The following UBA6 variants were observed in gnomAD, a reference collection of about 807,000 sequenced individuals.
The protein encoded by UBA6 is ubiquitin like modifier activating enzyme 6.
In UBA6, 87 loss-of-function variants were observed where a neutral mutation model predicts 148.3. The observed-to-expected ratio is 0.59, with a 90% confidence interval of 0.49 to 0.70. The LOEUF is 0.70. Ranked by LOEUF, UBA6 falls within the 30% of genes least tolerant of loss-of-function variation. The probability of loss-of-function intolerance (pLI) is 0.00; values close to 1 mark genes in which losing one functional copy is unlikely to be tolerated. For missense variants in UBA6, 1,186 were observed against 1,241.2 expected (o/e 0.96, Z 0.67); for synonymous variants, 376 against 401.0 (o/e 0.94, Z 0.75).
At chr4:67,660,616 G>A (rs115766998) in intron 13 of UBA6, among the ~76,000 whole-genome samples, 1,878 of 152,294 alleles carry the variant, frequency 0.012, 39 homozygotes, top group African/African-American at 0.041. Flanking sequence ...TTACTGCAGG[G>A]GTGGGGCCCT....
chr4:67,637,560 C>T (rs951323022), intron 19 of UBA6, among the ~76,000 whole-genome samples: 1 of 152,168 alleles, frequency 6.6e-6, no homozygotes, highest in Non-Finnish European at 1.5e-5. Flanking sequence ...AAGAAGTAGA[C>T]ATACGAGACT....
intron 6 of UBA6, among the ~76,000 whole-genome samples, chr4:67,675,689 C>A (rs1162392600): frequency 6.6e-6 from 1 of 151,348 alleles, no homozygotes; most frequent in African/African-American, 2.4e-5. Context: ...CCAGACTATG[C>A]CACTGCACTC....
intron 13 of UBA6, among the ~76,000 whole-genome samples, chr4:67,658,970 T>C (rs1729773377): frequency 6.6e-6 from 1 of 152,076 alleles, no homozygotes; most frequent in Non-Finnish European, 1.5e-5. Flanking sequence ...TACATCTGAA[T>C]TGATTGTGTA....
chr4:67,643,197 TATA>T (rs542152134), intron 17 of UBA6, among the ~76,000 whole-genome samples: 9 of 151,766 alleles, frequency 5.9e-5, no homozygotes, highest in Admixed American at 2.0e-4. Flanking sequence ...AAACTTAAAG[TATA>T]ATAATAATAA....
At chr4:67,640,728 T>A (rs1332909991) in intron 18 of UBA6, among the ~76,000 whole-genome samples, 1 of 152,154 alleles carries the variant, frequency 6.6e-6, no homozygotes, top group East Asian at 1.9e-4. Flanking sequence ...TATTTTACAA[T>A]AAAAACGGAT....
At chr4:67,682,955 T>C (rs1323307832) in intron 2 of UBA6, among the ~76,000 whole-genome samples, 2 of 152,198 alleles carry the variant, frequency 1.3e-5, no homozygotes, top group African/African-American at 4.8e-5. Flanking sequence ...TAATGCACAT[T>C]TGTTTTAAAA....
At chr4:67,662,487 G>A (rs939227683) in intron 12 of UBA6, 2 of 336,066 alleles carry the variant, frequency 6.0e-6, no homozygotes, top group African/African-American at 5.6e-5. Flanking sequence ...TTTTTTTTTT[G>A]AGACAGTCTC....
At position 67,670,515 on chromosome 4, in the gene UBA6, T is replaced by C; in HGVS notation, c.624A>G (p.Thr208=). The change falls in exon 8 of 33, where the codon ACA becomes ACG. Residue 208 remains threonine (T), a synonymous_variant. Transcript: ENST00000322244. The part of the protein sequence containing the change: ...DFGDEFEVLD[T]TGEEPKEIFI... ...AAATTTCTTTTGGTTCTTCTCCTGT[T>C]GTATCTAAAACTTCAAATTCATCAC... 1.3e-6 allele frequency: 2 copies of C among 1,599,296 alleles called. No individual in the cohort carries two copies. The highest frequency in any genetic ancestry group is 1.7e-6 in the Non-Finnish European group (2 of 1,166,658).
intron 30 of UBA6, 77 bp from the exon 31 acceptor site, chr4:67,623,299 C>A: frequency 2.9e-6 from 3 of 1,033,524 alleles, no homozygotes; most frequent in South Asian, 2.9e-5. Context: ...CAAAAAAAAC[C>A]CACTTTCAGA....
At position 67,624,146 on chromosome 4, in the gene UBA6, T is replaced by G; in HGVS notation, c.2820A>C (p.Glu940Asp). Residue 940 changes from glutamate to aspartate, a missense_variant, in exon 30 of 33, where the codon GAA becomes GAC. Coordinates refer to ENST00000322244, the MANE Select transcript of UBA6 (RefSeq NM_018227.6). ...CATACCTGATTTTAGTTTTCCTTAC[T>G]TCAGTTGTCTCTGTAAATACTACAA... The part of the protein sequence containing the change: ...IPIVVFTETT[E>D]VRKTKIRNGI... The G allele has an allele frequency of 6.2e-7, 1 of 1,600,294 alleles. No individual in the cohort carries two copies. Among genetic ancestry groups the G allele is most frequent in the Non-Finnish European group, 8.5e-7 (1 of 1,174,740 alleles).
chr4:67,662,133 G>C, intron 13 of UBA6, 56 bp downstream of exon 13: 1 of 1,518,700 alleles, frequency 6.6e-7, no homozygotes, highest in Non-Finnish European at 9.1e-7. Context: ...CTAATATACA[G>C]AACACTTATG....
At chr4:67,673,116 CA>C (rs1730189321) in intron 7 of UBA6, among the ~76,000 whole-genome samples, 1 of 152,044 alleles carries the variant, frequency 6.6e-6, no homozygotes, top group South Asian at 2.1e-4. Context: ...AATGAATATT[CA>C]TTGAATGAAC....
Position 67,612,793 on chromosome 4 carries a change from A to C in UBA6, c.*6204T>G, listed in dbSNP as rs1203174830. The C allele has an allele frequency of 6.6e-6, 1 of 152,212 alleles. No homozygotes were observed. The highest frequency in any genetic ancestry group is 1.5e-5 in the Non-Finnish European group (1 of 68,026). 9.4% of individuals were successfully genotyped at this position (152,212 alleles called of 1,614,324 possible). Reference sequence around the variant, plus strand: ...ATTCTCACTTGAAAACATTTAGAAAAGCTGGATAAAATATACTTTTCAAAG... The same window carrying C: ...ATTCTCACTTGAAAACATTTAGAAACGCTGGATAAAATATACTTTTCAAAG... On this transcript the variant is annotated 3_prime_UTR_variant, in exon 33 of 33. Transcript: ENST00000322244.
At chr4:67,696,333 G>A (rs888979559) in intron 2 of UBA6, among the ~76,000 whole-genome samples, 1 of 151,838 alleles carries the variant, frequency 6.6e-6, no homozygotes, top group African/African-American at 2.4e-5. Context: ...TTATCCGAAT[G>A]TAGATAAAAA....
At chr4:67,687,098 C>T (rs1265276085) in intron 2 of UBA6, among the ~76,000 whole-genome samples, 8 of 126,190 alleles carry the variant, frequency 6.3e-5, no homozygotes, top group Admixed American at 2.7e-4. Context: ...TGCAGTGGTG[C>T]GATCTTGGCT....
rs1300002483 is a variant in UBA6, at chr4:67,615,030, AT to A, written c.*3966del. 7 of 152,354 alleles carry A rather than the reference AT, an allele frequency of 4.6e-5. No individual in the cohort carries two copies. The highest frequency in any genetic ancestry group is 1.4e-4 in the African/African-American group (6 of 41,578). The allele number at this position is 152,354 out of a possible 1,614,324, so 9.4% of individuals were successfully genotyped here. On this transcript the variant is annotated 3_prime_UTR_variant, in exon 33 of 33. Coordinates refer to ENST00000322244, the MANE Select transcript of UBA6 (RefSeq NM_018227.6). ...ATTGCACATCCACCAGATTGGCAAA[AT>A]TAAAAACAAAAACTGTTAACACCAG...
intron 2 of UBA6, among the ~76,000 whole-genome samples, chr4:67,696,041 A>C (rs1730823562): frequency 6.6e-6 from 1 of 152,202 alleles, no homozygotes; most frequent in South Asian, 2.1e-4. Context: ...ATAGTTTTAA[A>C]AGTCCCATCA....
intron 4 of UBA6, among the ~76,000 whole-genome samples, chr4:67,680,110 T>G (rs1730396219): frequency 6.6e-6 from 1 of 152,188 alleles, no homozygotes; most frequent in Non-Finnish European, 1.5e-5. Flanking sequence ...GGGAAAAATG[T>G]AGTATTTATC....
intron 6 of UBA6, among the ~76,000 whole-genome samples, chr4:67,674,050 T>A (rs755139228): frequency 6.6e-5 from 10 of 152,236 alleles, no homozygotes; most frequent in Non-Finnish European, 1.5e-4. Flanking sequence ...TAATATCCTA[T>A]GCAGTATTTA....
Sources: allele counts gnomAD v4.1 joint callset (sites outside exome capture counted in the v4.1 genomes callset), GRCh38; gene constraint gnomAD v4.1.1; transcripts MANE v1.5; gene names NCBI Gene and HGNC (gene_info 2026-07-23, HGNC 2026-07-21).